Variants in CTNNBL1 observed in about 807,000 individuals in gnomAD.
CTNNBL1 encodes beta-catenin-like protein 1.
CTNNBL1 carries 31 observed loss-of-function variants against 72.7 expected under a neutral mutation model. That is an observed-to-expected ratio of 0.43 (90% confidence interval 0.32 to 0.58). The LOEUF is 0.58. Among genes scored for constraint, CTNNBL1 ranks in the 20% least tolerant of loss-of-function variants. CTNNBL1 has a pLI of 0.08. For missense variants in CTNNBL1, 534 were observed against 725.1 expected (o/e 0.74, Z 3.03); for synonymous variants, 240 against 267.3 (o/e 0.90, Z 1.00).
chr20:37,849,134 C>G (rs910911028), intron 13 of CTNNBL1, among the ~76,000 whole-genome samples: 1 of 152,196 alleles, frequency 6.6e-6, no homozygotes, highest in Non-Finnish European at 1.5e-5. Context: ...TTACTACCAA[C>G]ACTTACATTC....
At position 37,843,363 on chromosome 20, in the gene CTNNBL1, C is replaced by T. The variant is rs1433612685; in HGVS notation, c.1392+944C>T. On this transcript the variant is annotated intron_variant, in intron 13 of 15. Coordinates refer to ENST00000361383, the MANE Select transcript of CTNNBL1 (RefSeq NM_030877.5). ...AAGGACTGATTTTAGTATAGCCCTC[C>T]CCACCTTCCCGTGTTGGGATCATCC... 2.0e-5 allele frequency among the ~76,000 whole-genome samples: 3 copies of T among 152,150 alleles called. No homozygotes were observed. The East Asian group carries it at 5.8e-4, about 29-fold the overall frequency.
chr20:37,822,600 G>T (rs1207632319), intron 11 of CTNNBL1, among the ~76,000 whole-genome samples: 3 of 152,288 alleles, frequency 2.0e-5, no homozygotes, highest in Non-Finnish European at 2.9e-5. Flanking sequence ...GCTAAGCAGC[G>T]CCCTGGAAAG....
At chr20:37,694,577 C>G (rs367902327) in intron 1 of CTNNBL1, among the ~76,000 whole-genome samples, 6 of 152,150 alleles carry the variant, frequency 3.9e-5, no homozygotes, top group East Asian at 3.8e-4. Context: ...TCATTCCCCC[C>G]CTCTTTGAAC....
intron 5 of CTNNBL1, among the ~76,000 whole-genome samples, chr20:37,762,746 A>T (rs997584138): frequency 3.9e-5 from 6 of 152,202 alleles, no homozygotes; most frequent in Non-Finnish European, 8.8e-5. Flanking sequence ...ATATTTTTTG[A>T]AGGGTTTTCT....
chr20:37,768,231 A>T (rs537403789), intron 7 of CTNNBL1, among the ~76,000 whole-genome samples, 187 bp downstream of exon 7: 7 of 152,330 alleles, frequency 4.6e-5, no homozygotes, highest in Non-Finnish European at 1.0e-4. Context: ...AATAGTCTTT[A>T]GTACCTCTGA....
At chr20:37,819,941 C>T (rs1216756144) in intron 11 of CTNNBL1, among the ~76,000 whole-genome samples, 1 of 141,558 alleles carries the variant, frequency 7.1e-6, no homozygotes, top group Non-Finnish European at 1.5e-5. Context: ...CTGGCATGAT[C>T]TCGGCTCACT....
chr20:37,800,035 G>A (rs148740141), intron 10 of CTNNBL1, among the ~76,000 whole-genome samples: 1 of 152,336 alleles, frequency 6.6e-6, no homozygotes, highest in East Asian at 1.9e-4. Context: ...ACCCAGGATA[G>A]CACTCTTTGT....
chr20:37,694,588 CAA>C (rs1486396089), intron 1 of CTNNBL1, among the ~76,000 whole-genome samples: 4 of 152,128 alleles, frequency 2.6e-5, no homozygotes, highest in African/African-American at 9.7e-5. Flanking sequence ...CTCTTTGAAC[CAA>C]GTTTTTGTAT....
chr20:37,764,217 G>A (rs964470608), intron 5 of CTNNBL1, among the ~76,000 whole-genome samples: 5 of 152,154 alleles, frequency 3.3e-5, no homozygotes, highest in Non-Finnish European at 7.3e-5. Context: ...GGAGGATAAC[G>A]CAAATATGCA....
chr20:37,744,599 A>G (rs1322201641), intron 3 of CTNNBL1: 1 of 152,134 alleles, frequency 6.6e-6, no homozygotes, highest in Non-Finnish European at 1.5e-5. Context: ...TCTTCTTGGA[A>G]CACTGTGTTG....
At chr20:37,724,713 T>C (rs2073068353) in intron 1 of CTNNBL1, among the ~76,000 whole-genome samples, 1 of 152,192 alleles carries the variant, frequency 6.6e-6, no homozygotes, top group Non-Finnish European at 1.5e-5. Flanking sequence ...GATCCAGATG[T>C]ACACAAGCAT....
chr20:37,846,976 G>A lies in CTNNBL1; in HGVS notation c.1392+4557G>A, dbSNP rs2072352305. 1.3e-5 allele frequency among the ~76,000 whole-genome samples: 2 copies of A among 152,170 alleles called. 1 individual carries two copies. The highest frequency in any genetic ancestry group is 4.1e-4 in the South Asian group (2 of 4,832). ...TCTTGTTCATCGTTTTCTCAGGACA[G>A]CGTGCCTCACATTCAGTAAATGAAA... On this transcript the variant is annotated intron_variant, in intron 13 of 15. Coordinates refer to ENST00000361383, the MANE Select transcript of CTNNBL1 (RefSeq NM_030877.5).
chr20:37,701,102 G>A (rs1713996713), intron 1 of CTNNBL1, among the ~76,000 whole-genome samples: 3 of 152,302 alleles, frequency 2.0e-5, no homozygotes, highest in South Asian at 4.1e-4. Flanking sequence ...TACGTATTTT[G>A]TGAGGCTAGA....
At chr20:37,815,765 T>C (rs562841168) in intron 11 of CTNNBL1, among the ~76,000 whole-genome samples, 1 of 152,196 alleles carries the variant, frequency 6.6e-6, no homozygotes. Context: ...GGTATTTTTT[T>C]AAAATGTGTG....
At chr20:37,866,640 A>G (rs1230350827) in intron 15 of CTNNBL1, among the ~76,000 whole-genome samples, 2 of 152,248 alleles carry the variant, frequency 1.3e-5, no homozygotes, top group African/African-American at 2.4e-5. Context: ...TCAGACCAAC[A>G]TAAATTCTGG....
At chr20:37,821,843 C>T (rs1337342343) in intron 11 of CTNNBL1, among the ~76,000 whole-genome samples, 1 of 152,186 alleles carries the variant, frequency 6.6e-6, no homozygotes, top group Non-Finnish European at 1.5e-5. Flanking sequence ...CCTCTTGCCA[C>T]AGCTGGATGC....
At chr20:37,773,301 G>A (rs757178676) in intron 7 of CTNNBL1, among the ~76,000 whole-genome samples, 4 of 152,208 alleles carry the variant, frequency 2.6e-5, no homozygotes, top group Non-Finnish European at 5.9e-5. Flanking sequence ...TAGCAGAGGT[G>A]AGCTACAGAT....
chr20:37,720,595 G>A (rs1205188394), intron 1 of CTNNBL1, among the ~76,000 whole-genome samples: 1 of 152,228 alleles, frequency 6.6e-6, no homozygotes, highest in East Asian at 1.9e-4. Flanking sequence ...CCCAGACATT[G>A]ACTACGAGAA....
intron 4 of CTNNBL1, among the ~76,000 whole-genome samples, chr20:37,754,743 A>G (rs1225930951): frequency 6.6e-6 from 1 of 152,158 alleles, no homozygotes; most frequent in African/African-American, 2.4e-5. Context: ...TATAGTTGGC[A>G]ATAGCATTGT....
Sources: allele counts gnomAD v4.1 joint callset (sites outside exome capture counted in the v4.1 genomes callset), GRCh38; gene constraint gnomAD v4.1.1; transcripts MANE v1.5; gene names NCBI Gene and HGNC (gene_info 2026-07-23, HGNC 2026-07-21).